CACNA2D3: variants seen among roughly 807,000 people sequenced by gnomAD.
The protein encoded by CACNA2D3 is voltage-dependent calcium channel subunit alpha-2/delta-3.
A neutral mutation model predicts 160.6 loss-of-function variants in CACNA2D3; 60 were observed. The observed-to-expected ratio is 0.37, with a 90% confidence interval of 0.30 to 0.46. The LOEUF is 0.46. Among genes scored for constraint, CACNA2D3 ranks in the 20% least tolerant of loss-of-function variants. CACNA2D3 has a pLI of 1.00. For missense variants in CACNA2D3, 1,205 were observed against 1,365.0 expected (o/e 0.88, Z 1.85); for synonymous variants, 558 against 492.9 (o/e 1.13, Z -1.75).
At chr3:54,590,018 GTAACTTCCATATTACTCAGCAA>G (rs1702830145) in intron 9 of CACNA2D3, among the ~76,000 whole-genome samples, 1 of 152,168 alleles carries the variant, frequency 6.6e-6, no homozygotes, top group Admixed American at 6.5e-5. Context: ...AACTAAATAT[GTAACTTCCATATTACTCAGCAA>G]TTGCATCCTT....
chr3:54,611,797 G>GGA (rs951331668), intron 9 of CACNA2D3, among the ~76,000 whole-genome samples: 1 of 148,958 alleles, frequency 6.7e-6, no homozygotes, highest in East Asian at 1.9e-4. Flanking sequence ...AGAGAAGAGT[G>GGA]AAAAAAAAAA....
At chr3:54,375,278 A>T (rs778743277) in intron 3 of CACNA2D3, among the ~76,000 whole-genome samples, 9 of 152,196 alleles carry the variant, frequency 5.9e-5, no homozygotes, top group Non-Finnish European at 1.2e-4. Context: ...AATGTCCTTG[A>T]AGACAACAGC....
chr3:54,220,736 C>T (rs946659990), intron 2 of CACNA2D3, among the ~76,000 whole-genome samples: 22 of 152,226 alleles, frequency 1.4e-4, no homozygotes, highest in Non-Finnish European at 2.9e-5. Flanking sequence ...GCTCTGGTTA[C>T]AACCGTGACA....
chr3:54,341,434 A>G (rs139795981), intron 3 of CACNA2D3, among the ~76,000 whole-genome samples: 122 of 152,262 alleles, frequency 8.0e-4, no homozygotes, highest in African/African-American at 2.8e-3. Context: ...CAGAGAGACT[A>G]TGTGACCCGG....
At chr3:54,985,791 C>G (rs1277865898) in intron 30 of CACNA2D3, among the ~76,000 whole-genome samples, 1 of 152,140 alleles carries the variant, frequency 6.6e-6, no homozygotes, top group Non-Finnish European at 1.5e-5. Flanking sequence ...ACAGGGGCTC[C>G]AGGAAACTTG....
At chr3:55,030,162 C>G (rs533365201) in intron 35 of CACNA2D3, among the ~76,000 whole-genome samples, 2 of 152,212 alleles carry the variant, frequency 1.3e-5, no homozygotes, top group South Asian at 4.1e-4. Context: ...CAAAATAGTT[C>G]CTGTCTCAAT....
chr3:54,587,708 G>A (rs761104269), intron 9 of CACNA2D3, among the ~76,000 whole-genome samples: 5 of 151,982 alleles, frequency 3.3e-5, no homozygotes, highest in Non-Finnish European at 5.9e-5. Context: ...ATGAATTAAC[G>A]ACTTAGAAAA....
intron 2 of CACNA2D3, among the ~76,000 whole-genome samples, chr3:54,177,304 T>A (rs1238453188): frequency 6.6e-6 from 1 of 152,216 alleles, no homozygotes; most frequent in Non-Finnish European, 1.5e-5. Flanking sequence ...CCGGGTTTTT[T>A]ATCTGTGGCT....
chr3:54,822,790 C>CTTTCTTTCCTTTCTTTCTTTCTTT (rs1491160047), intron 14 of CACNA2D3, among the ~76,000 whole-genome samples: 9 of 71,938 alleles, frequency 1.3e-4, no homozygotes, highest in East Asian at 4.6e-4. Context: ...TTCTTTCTTT[C>CTTTCTTTCCTTTCTTTCTTTCTTT]CTTTCTTTCT....
intron 35 of CACNA2D3, among the ~76,000 whole-genome samples, chr3:55,031,696 G>T (rs956707393): frequency 1.3e-5 from 2 of 152,066 alleles, no homozygotes; most frequent in Admixed American, 1.3e-4. Flanking sequence ...TATGTTGTTC[G>T]TGCCTTGGAA....
intron 27 of CACNA2D3, among the ~76,000 whole-genome samples, chr3:54,952,998 T>C (rs1223743184): frequency 1.3e-5 from 2 of 152,150 alleles, no homozygotes; most frequent in Non-Finnish European, 1.5e-5. Flanking sequence ...GTGGATGGAT[T>C]GTTGAGCAGG....
At chr3:54,743,225 C>G in intron 11 of CACNA2D3, among the ~76,000 whole-genome samples, 1 of 152,108 alleles carries the variant, frequency 6.6e-6, no homozygotes, top group East Asian at 1.9e-4. Flanking sequence ...TGTGTTTCAG[C>G]TTGGAAGTAG....
intron 9 of CACNA2D3, among the ~76,000 whole-genome samples, chr3:54,593,177 T>C (rs768509055): frequency 3.9e-5 from 6 of 152,046 alleles, no homozygotes; most frequent in Non-Finnish European, 5.9e-5. Context: ...ATAACTTACA[T>C]AGAGAAAAAT....
At chr3:54,634,261 A>G (rs1353832261) in intron 10 of CACNA2D3, among the ~76,000 whole-genome samples, 1 of 152,166 alleles carries the variant, frequency 6.6e-6, no homozygotes, top group East Asian at 1.9e-4. Flanking sequence ...TTTGCACTTA[A>G]CGTTTGCCCT....
intron 13 of CACNA2D3, among the ~76,000 whole-genome samples, chr3:54,787,698 G>A (rs565770526): frequency 3.3e-5 from 5 of 152,216 alleles, no homozygotes; most frequent in Non-Finnish European, 4.4e-5. Context: ...GTGGCACATT[G>A]TGGGAAGGTA....
At chr3:54,816,742 C>G (rs1559593270) in intron 13 of CACNA2D3, 111 bp from the exon 14 acceptor site, 1 of 1,165,322 alleles carries the variant, frequency 8.6e-7, no homozygotes, top group Non-Finnish European at 1.2e-6. Flanking sequence ...ACTTGTCTCC[C>G]CATTTTGGTT....
At chr3:54,343,144 T>C (rs1393447982) in intron 3 of CACNA2D3, among the ~76,000 whole-genome samples, 1 of 152,236 alleles carries the variant, frequency 6.6e-6, no homozygotes, top group African/African-American at 2.4e-5. Context: ...TGGGAAAATT[T>C]GTTTAACCCA....
chr3:55,073,907 C>G (rs755708920), intron 37 of CACNA2D3, 48 bp downstream of exon 37: 12 of 1,463,982 alleles, frequency 8.2e-6, no homozygotes, highest in Non-Finnish European at 1.1e-5. Context: ...AGAATCACCA[C>G]GAGAGTCTCA....
chr3:54,941,505 G>C (rs748607300), intron 27 of CACNA2D3, among the ~76,000 whole-genome samples: 1 of 152,050 alleles, frequency 6.6e-6, no homozygotes, highest in Admixed American at 6.6e-5. Flanking sequence ...ATTGTTCATC[G>C]TTTTTATAAT....
Sources: allele counts gnomAD v4.1 joint callset (sites outside exome capture counted in the v4.1 genomes callset), GRCh38; gene constraint gnomAD v4.1.1; transcripts MANE v1.5; gene names NCBI Gene and HGNC (gene_info 2026-07-23, HGNC 2026-07-21).